The following AGBL4 variants were observed in gnomAD, a reference collection of about 807,000 sequenced individuals.
AGBL4 encodes the protein cytosolic carboxypeptidase 6.
In AGBL4, 58 loss-of-function variants were observed where a neutral mutation model predicts 66.4. That is an observed-to-expected ratio of 0.87 (90% CI 0.71 to 1.09). AGBL4 has a LOEUF of 1.09. Among genes scored for constraint, AGBL4 ranks in the 50% least tolerant of loss-of-function variants. The probability of loss-of-function intolerance (pLI) is 0.00; values close to 1 mark genes in which losing one functional copy is unlikely to be tolerated. For missense variants in AGBL4, 579 were observed against 631.0 expected (o/e 0.92, Z 0.88); for synonymous variants, 234 against 222.9 (o/e 1.05, Z -0.44).
At chr1:49,701,102 A>G (rs960876316) in intron 2 of AGBL4, among the ~76,000 whole-genome samples, 12 of 152,170 alleles carry the variant, frequency 7.9e-5, no homozygotes, top group Non-Finnish European at 1.2e-4. Context: ...AGGATGGTAA[A>G]ATAGGTGGTT....
chr1:48,648,789 G>A (rs1425775623), intron 8 of AGBL4, among the ~76,000 whole-genome samples: 2 of 152,188 alleles, frequency 1.3e-5, no homozygotes, highest in Admixed American at 1.3e-4. Context: ...ACTAAGTATG[G>A]CTGAGAATCC....
intron 5 of AGBL4, among the ~76,000 whole-genome samples, chr1:48,890,465 G>C (rs1470011375): frequency 1.3e-5 from 2 of 152,168 alleles, no homozygotes; most frequent in Non-Finnish European, 2.9e-5. Context: ...ATATATTCTT[G>C]CATTTTTCCT....
intron 3 of AGBL4, among the ~76,000 whole-genome samples, chr1:49,331,240 A>C (rs1645327358): frequency 6.6e-6 from 1 of 152,020 alleles, no homozygotes; most frequent in South Asian, 2.1e-4. Context: ...AGGTCTGCAC[A>C]TACCCTCTAG....
chr1:49,484,121 G>T (rs1159802879), intron 3 of AGBL4, among the ~76,000 whole-genome samples: 1 of 151,972 alleles, frequency 6.6e-6, no homozygotes, highest in East Asian at 1.9e-4. Context: ...GGATGTGGAA[G>T]AAAGAGATCC....
At position 49,546,810 on chromosome 1, in the gene AGBL4, TG is replaced by T. The variant is rs563302131; in HGVS notation, c.282+150502del. On this transcript the variant is annotated intron_variant, in intron 3 of 13. Coordinates refer to ENST00000371839, the MANE Select transcript of AGBL4 (RefSeq NM_032785.4). ...TATTAGCCATTTGTATATCTTTTTTTGAGAACTGTCTATTAATGTGCTTAGC... is the reference window on the plus strand; with the variant it reads ...TATTAGCCATTTGTATATCTTTTTTTAGAACTGTCTATTAATGTGCTTAGC... Among the ~76,000 whole-genome samples, 414 of 152,366 alleles carry T rather than the reference TG, an allele frequency of 2.7e-3. 8 individuals carry two copies. The highest frequency in any genetic ancestry group is 4.0e-3 in the Non-Finnish European group (269 of 68,030).
intron 5 of AGBL4, among the ~76,000 whole-genome samples, chr1:48,915,780 G>T (rs1162243332): frequency 1.3e-5 from 2 of 152,182 alleles, no homozygotes; most frequent in African/African-American, 4.8e-5. Context: ...AATCAAAGAG[G>T]ATTTCTCTGT....
At chr1:49,347,609 C>T (rs1353154542) in intron 3 of AGBL4, among the ~76,000 whole-genome samples, 1 of 151,984 alleles carries the variant, frequency 6.6e-6, no homozygotes, top group African/African-American at 2.4e-5. Flanking sequence ...CCTGTAATCC[C>T]AGCACGTTGG....
chr1:48,819,433 C>G (rs767149737), intron 6 of AGBL4, among the ~76,000 whole-genome samples: 13 of 152,046 alleles, frequency 8.6e-5, no homozygotes, highest in Non-Finnish European at 1.6e-4. Context: ...AATAAGGAAG[C>G]ATCAAAAGTG....
At chr1:48,853,703 G>GT (rs1558041419) in intron 6 of AGBL4, among the ~76,000 whole-genome samples, 1 of 152,108 alleles carries the variant, frequency 6.6e-6, no homozygotes. Flanking sequence ...AAAATTGATC[G>GT]TTTTTTCCTT....
At chr1:49,755,828 C>T (rs577811968) in intron 2 of AGBL4, among the ~76,000 whole-genome samples, 5 of 152,324 alleles carry the variant, frequency 3.3e-5, no homozygotes, top group African/African-American at 7.2e-5. Flanking sequence ...CAATCTATCA[C>T]CCATATTTGT....
intron 1 of AGBL4, among the ~76,000 whole-genome samples, chr1:49,858,425 A>G (rs1317997825): frequency 6.6e-6 from 1 of 152,218 alleles, no homozygotes; most frequent in Non-Finnish European, 1.5e-5. Flanking sequence ...ATATTTATAT[A>G]TCTAACAGAC....
chr1:49,715,599 A>G (rs1648053093), intron 2 of AGBL4, among the ~76,000 whole-genome samples: 1 of 152,156 alleles, frequency 6.6e-6, no homozygotes, highest in African/African-American at 2.4e-5. Context: ...AAGCGTTCCT[A>G]TCTCTCCACA....
chr1:49,918,948 T>G (rs1571870794), intron 1 of AGBL4, among the ~76,000 whole-genome samples: 1 of 152,166 alleles, frequency 6.6e-6, no homozygotes, highest in Non-Finnish European at 1.5e-5. Context: ...TCAATAAACA[T>G]AATCCAGCAT....
At chr1:48,564,530 T>A (rs1644445355) in intron 11 of AGBL4, among the ~76,000 whole-genome samples, 2 of 152,146 alleles carry the variant, frequency 1.3e-5, no homozygotes, top group African/African-American at 4.8e-5. Flanking sequence ...TGTTCATCTC[T>A]GTGCCTTTCT....
chr1:49,972,486 C>T (rs1189711438), intron 1 of AGBL4, among the ~76,000 whole-genome samples: 2 of 152,108 alleles, frequency 1.3e-5, no homozygotes, highest in African/African-American at 4.8e-5. Context: ...ATCAATGTTG[C>T]TGCAAAAGAA....
Position 49,707,307 on chromosome 1 carries a change from T to C in AGBL4, c.158-9870A>G, listed in dbSNP as rs377182549. Among the ~76,000 whole-genome samples the C allele has an allele frequency of 3.3e-4, 50 of 152,002 alleles. 1 individual carries two copies. In the South Asian group the frequency reaches 9.2e-3, roughly 28 times the overall value. On this transcript the variant is annotated intron_variant, in intron 2 of 13. Transcript: ENST00000371839. ...TACCCTTATGTAATGCATTTCTTTATCTTTTTTATCTTTGTTGACTTAAAG... is the reference window on the plus strand; with the variant it reads ...TACCCTTATGTAATGCATTTCTTTACCTTTTTTATCTTTGTTGACTTAAAG...
At chr1:48,604,704 G>A (rs910524758) in intron 9 of AGBL4, among the ~76,000 whole-genome samples, 5 of 152,086 alleles carry the variant, frequency 3.3e-5, no homozygotes, top group African/African-American at 1.2e-4. Context: ...GGGCTTTTCT[G>A]TAGCTATTGC....
At chr1:48,605,645 T>G (rs576709065) in intron 9 of AGBL4, among the ~76,000 whole-genome samples, 3 of 152,348 alleles carry the variant, frequency 2.0e-5, no homozygotes, top group Admixed American at 6.5e-5. Flanking sequence ...CACATTGTCT[T>G]CATTTTAATA....
intron 3 of AGBL4, among the ~76,000 whole-genome samples, chr1:49,359,953 A>AT (rs1644103401): frequency 6.6e-6 from 1 of 152,174 alleles, no homozygotes; most frequent in Admixed American, 6.5e-5. Context: ...GTGACCCTTG[A>AT]TATGATGATG....
Sources: gnomAD v4.1 joint callset for allele counts (sites outside exome capture counted in the v4.1 genomes callset) on GRCh38, gnomAD v4.1.1 for gene constraint, MANE v1.5 for transcripts, NCBI Gene and HGNC (gene_info 2026-07-23, HGNC 2026-07-21) for gene names.